KANSL1: variants seen among roughly 807,000 people sequenced by gnomAD.
The protein encoded by KANSL1 is MLL1/MLL complex subunit KANSL1.
Under a neutral mutation model 103.6 loss-of-function variants are expected in KANSL1, and 22 were observed. That is an observed-to-expected ratio of 0.21 (90% CI 0.15 to 0.30). The LOEUF is 0.30. Among genes scored for constraint, KANSL1 ranks in the 10% least tolerant of loss-of-function variants. The pLI is 1.00. For synonymous variants in KANSL1, 600 were observed against 527.6 expected (o/e 1.14, Z -1.88); for missense variants, 1,337 against 1,399.8 (o/e 0.96, Z 0.72).
At chr17:46,109,728 T>C (rs1010413178) in intron 2 of KANSL1, among the ~76,000 whole-genome samples, 1 of 152,252 alleles carries the variant, frequency 6.6e-6, no homozygotes, top group Non-Finnish European at 1.5e-5. Flanking sequence ...CCATTATAAG[T>C]GCTCAGTAAA....
rs965815496 is a variant in KANSL1 at position 46,030,668 on chromosome 17, G to A, written c.*808C>T. 1.3e-5 allele frequency: 2 copies of A among 152,102 alleles called. No homozygotes were observed. The highest frequency in any genetic ancestry group is 2.4e-5 in the African/African-American group (1 of 41,396). 9.4% of individuals were successfully genotyped at this position (152,102 alleles called of 1,614,324 possible). On this transcript the variant is annotated 3_prime_UTR_variant, in exon 15 of 15. Transcript: ENST00000432791. ...AGTTTGCAGGGGAGTGGGAATAGAG[G>A]TTAAGTAGTCCTAACCCTACCTTCA... is the stretch of plus-strand genomic sequence containing the variant.
chr17:46,083,884 C>G (rs8075026), intron 3 of KANSL1, among the ~76,000 whole-genome samples: 4,356 of 152,126 alleles, frequency 0.029, 223 homozygotes, highest in African/African-American at 0.1. Flanking sequence ...AGCCACTAAA[C>G]CAGATGATCC....
chr17:46,208,908 C>T (rs1167667758), intron 1 of KANSL1, among the ~76,000 whole-genome samples: 1 of 151,454 alleles, frequency 6.6e-6, no homozygotes, highest in Non-Finnish European at 1.5e-5. Flanking sequence ...CAGTGGCTCA[C>T]GCCTGTAATC....
At chr17:46,101,061 A>C (rs1240797788) in intron 2 of KANSL1, among the ~76,000 whole-genome samples, 2 of 152,256 alleles carry the variant, frequency 1.3e-5, no homozygotes, top group Non-Finnish European at 2.9e-5. Flanking sequence ...TGAGACATCT[A>C]AGTTCTGAAA....
At chr17:46,136,536 C>T (rs533358175) in intron 2 of KANSL1, among the ~76,000 whole-genome samples, 7 of 152,332 alleles carry the variant, frequency 4.6e-5, no homozygotes, top group South Asian at 2.1e-4. Context: ...ACTTCCTCAA[C>T]GGTAACATAC....
intron 7 of KANSL1, chr17:46,040,956 G>C (rs574455704): frequency 1.6e-4 from 25 of 152,310 alleles, no homozygotes; most frequent in Admixed American, 1.5e-3. Context: ...GAAGAAGACA[G>C]GAAGATGAGG....
chr17:46,187,669 C>G (rs1397202244), intron 1 of KANSL1, among the ~76,000 whole-genome samples: 1 of 152,240 alleles, frequency 6.6e-6, no homozygotes, highest in African/African-American at 2.4e-5. Context: ...AGCTTAAAAT[C>G]TTGGAAAAGC....
At chr17:46,175,997 C>T (rs1286183808) in intron 1 of KANSL1, among the ~76,000 whole-genome samples, 5 of 152,172 alleles carry the variant, frequency 3.3e-5, no homozygotes, top group Non-Finnish European at 5.9e-5. Flanking sequence ...CATGGACAAA[C>T]GAAAATCACT....
At chr17:46,156,260 T>C (rs908202853) in intron 2 of KANSL1, among the ~76,000 whole-genome samples, 1 of 152,320 alleles carries the variant, frequency 6.6e-6, no homozygotes, top group East Asian at 1.9e-4. Flanking sequence ...GGCAAGAGAA[T>C]CCCTTGAACC....
At chr17:46,146,832 C>CAAAA (rs1023164178) in intron 2 of KANSL1, among the ~76,000 whole-genome samples, 79 of 36,624 alleles carry the variant, frequency 2.2e-3, no homozygotes, top group African/African-American at 2.8e-3. Context: ...GACTCCGTCT[C>CAAAA]AAAAAAAAAA....
intron 4 of KANSL1, among the ~76,000 whole-genome samples, chr17:46,078,838 C>A (rs570233836): frequency 1.3e-5 from 2 of 152,158 alleles, no homozygotes; most frequent in Non-Finnish European, 2.9e-5. Context: ...AACTCTCAAC[C>A]GCTTTTTACA....
chr17:46,195,071 A>G (rs2047559713), upstream of KANSL1, among the ~76,000 whole-genome samples: 1 of 152,240 alleles, frequency 6.6e-6, no homozygotes, highest in Non-Finnish European at 1.5e-5. Flanking sequence ...AACCCTGGGG[A>G]AAAACTTTGA....
At chr17:46,112,524 A>C (rs970986928) in intron 2 of KANSL1, among the ~76,000 whole-genome samples, 1 of 151,662 alleles carries the variant, frequency 6.6e-6, no homozygotes, top group Non-Finnish European at 1.5e-5. Flanking sequence ...ATCTCTACTA[A>C]AAATACAAAA....
chr17:46,123,553 C>T (rs1263566961), intron 2 of KANSL1, among the ~76,000 whole-genome samples: 2 of 152,162 alleles, frequency 1.3e-5, no homozygotes, highest in Non-Finnish European at 2.9e-5. Flanking sequence ...ACACACAAAT[C>T]GTAAGCAAGA....
At chr17:46,151,715 T>G (rs2045115435) in intron 2 of KANSL1, among the ~76,000 whole-genome samples, 1 of 152,248 alleles carries the variant, frequency 6.6e-6, no homozygotes, top group Non-Finnish European at 1.5e-5. Context: ...ACGAGGAATA[T>G]TCATCATTGC....
At chr17:46,103,267 G>A (rs2042396202) in intron 2 of KANSL1, among the ~76,000 whole-genome samples, 2 of 152,202 alleles carry the variant, frequency 1.3e-5, no homozygotes, top group Admixed American at 1.3e-4. Flanking sequence ...CAAGCTAAAA[G>A]ATAATAAACT....
chr17:46,108,524 T>C (rs1378313729), intron 2 of KANSL1, among the ~76,000 whole-genome samples: 4 of 152,254 alleles, frequency 2.6e-5, no homozygotes, highest in Admixed American at 6.5e-5. Flanking sequence ...TTATCTATCT[T>C]TCTTACTGTC....
intron 2 of KANSL1, among the ~76,000 whole-genome samples, chr17:46,163,220 G>A (rs1305977946): frequency 6.6e-6 from 1 of 152,180 alleles, no homozygotes; most frequent in Non-Finnish European, 1.5e-5. Context: ...TGGATCCCTA[G>A]CATCCCAGCA....
chr17:46,142,580 G>C (rs936069656), intron 2 of KANSL1, among the ~76,000 whole-genome samples: 1 of 152,276 alleles, frequency 6.6e-6, no homozygotes, highest in Non-Finnish European at 1.5e-5. Context: ...CTGCACTCTA[G>C]CCTGGGCAAC....
Sources: gnomAD v4.1 joint callset for allele counts (sites outside exome capture counted in the v4.1 genomes callset) on GRCh38, gnomAD v4.1.1 for gene constraint, MANE v1.5 for transcripts, NCBI Gene and HGNC (gene_info 2026-07-23, HGNC 2026-07-21) for gene names.